Variants in DLC1 observed in about 807,000 individuals in gnomAD.
DLC1 encodes rho GTPase-activating protein 7.
Under a neutral mutation model 140.3 loss-of-function variants are expected in DLC1, and 54 were observed. The observed-to-expected ratio is 0.38, with a 90% CI of 0.31 to 0.48. The LOEUF is 0.48. Among genes scored for constraint, DLC1 ranks in the 20% least tolerant of loss-of-function variants. DLC1 has a pLI of 0.96. For synonymous variants in DLC1, 986 were observed against 728.1 expected (o/e 1.35, Z -5.70); for missense variants, 2,536 against 1,907.0 (o/e 1.33, Z -6.14).
rs1563454093 is a variant in DLC1 at position 13,579,359 on chromosome 8, AT to A, written c.-126+25177del. On this transcript the variant is annotated intron_variant, in intron 1 of 1. Coordinates refer to the DLC1 transcript ENST00000631382. ...TATATATATATATATATATATATAT[AT>A]ATTTTTATATAATACATATTTATAT... Among the ~76,000 whole-genome samples the A allele has an allele frequency of 4.5e-3, 122 of 27,168 alleles. 22 individuals are homozygous for A. Among genetic ancestry groups the A allele is most frequent in the African/African-American group, 5.3e-3 (29 of 5,438 alleles). 17.8% of individuals were successfully genotyped at this position (27,168 alleles called of 152,430 possible).
In DLC1 at chr8:13,100,469, C is replaced by G. The variant is rs763706656; in HGVS notation, c.1868G>C (p.Ser623Thr). 1 of 1,613,418 alleles carries G rather than the reference C, an allele frequency of 6.2e-7. No homozygotes were observed. Reference sequence around the variant, plus strand: ...TGCCAAGTTGCTGGAGGAGCAAACGCTGATGACGGAGTTAGTCCGGGGGGT... The same window carrying G: ...TGCCAAGTTGCTGGAGGAGCAAACGGTGATGACGGAGTTAGTCCGGGGGGT... ...AATPRTNSVI[S>T]VCSSSNLAGN... The change falls in exon 9 of 18, where the codon AGC (serine) becomes ACC (threonine). Residue 623 changes from serine to threonine, a missense_variant. Coordinates refer to ENST00000276297, the MANE Select transcript of DLC1 (RefSeq NM_182643.3).
intron 4 of DLC1, among the ~76,000 whole-genome samples, chr8:13,327,944 GTGGAAGAGCACTCCTCAGAC>G (rs1833439053): frequency 6.6e-6 from 1 of 152,228 alleles, no homozygotes; most frequent in East Asian, 1.9e-4. Flanking sequence ...CAAAGTATAG[GTGGAAGAGCACTCCTCAGAC>G]TGGGAACTAC....
chr8:13,221,320 C>T (rs145671272), intron 5 of DLC1, among the ~76,000 whole-genome samples: 165 of 151,976 alleles, frequency 1.1e-3, no homozygotes, highest in African/African-American at 3.3e-3. Context: ...TCCCTGCTCA[C>T]GGGCCTATTT....
rs140324033 is a variant in DLC1, at chr8:13,415,692, A to C, written c.1024-14073T>G. 6.0e-3 allele frequency among the ~76,000 whole-genome samples: 907 copies of C among 152,108 alleles called. 11 individuals are homozygous for C. Among genetic ancestry groups the C allele is most frequent in the African/African-American group, 0.021 (873 of 41,518 alleles). ...GGGATTACAGGCATGAGCCACTGCAACCGGCTGATTTAATTTTTATCTTAT... is the reference window on the plus strand; with the variant it reads ...GGGATTACAGGCATGAGCCACTGCACCCGGCTGATTTAATTTTTATCTTAT... On this transcript the variant is annotated intron_variant, in intron 2 of 17. Transcript: ENST00000276297.
intron 5 of DLC1, among the ~76,000 whole-genome samples, chr8:13,228,747 C>G (rs1828913611): frequency 6.6e-6 from 1 of 152,138 alleles, no homozygotes; most frequent in African/African-American, 2.4e-5. Context: ...GAGACTCTGT[C>G]TCTTTAAAAA....
chr8:13,396,765 CTTTA>C (rs888760829), intron 3 of DLC1, among the ~76,000 whole-genome samples: 3 of 152,124 alleles, frequency 2.0e-5, no homozygotes, highest in African/African-American at 7.2e-5. Context: ...TAGTACAAAT[CTTTA>C]TTATTTTCTC....
At chr8:13,404,858 T>A (rs1837453657) in intron 2 of DLC1, among the ~76,000 whole-genome samples, 1 of 151,928 alleles carries the variant, frequency 6.6e-6, no homozygotes, top group African/African-American at 2.4e-5. Context: ...TTTTAAAAAA[T>A]AGACAGGCAT....
At chr8:13,103,849 A>G (rs1294828737) in intron 7 of DLC1, among the ~76,000 whole-genome samples, 1 of 149,470 alleles carries the variant, frequency 6.7e-6, no homozygotes, top group Non-Finnish European at 1.5e-5. Flanking sequence ...CAAAAAAAAA[A>G]AAAAAAAAAA....
chr8:13,496,324 C>A (rs1474876376), intron 2 of DLC1, among the ~76,000 whole-genome samples: 1 of 152,044 alleles, frequency 6.6e-6, no homozygotes, highest in African/African-American at 2.4e-5. Context: ...TTGTGCCATG[C>A]AGAAAATGCC....
At chr8:13,579,141 C>T (rs754558558) in intron 1 of DLC1, among the ~76,000 whole-genome samples, 1 of 148,032 alleles carries the variant, frequency 6.8e-6, no homozygotes. Context: ...GTGTTAGGAG[C>T]TTTGTGCCAG....
Position 13,095,100 on chromosome 8 carries a change from G to A in DLC1, c.3313C>T (p.His1105Tyr), listed in dbSNP as rs374997689. 23 of 1,614,130 alleles carry A rather than the reference G, an allele frequency of 1.4e-5. No individual in the cohort carries two copies. In the African/African-American group the frequency reaches 2.7e-4, roughly 19 times the overall value. Residue 1105 changes from histidine to tyrosine, a missense_variant, in exon 11 of 18, where the codon CAT becomes TAT. Physicochemically the swap from His to Tyr is moderately conservative, Grantham distance 83 (BLOSUM62 2). Coordinates refer to ENST00000276297, the MANE Select transcript of DLC1 (RefSeq NM_182643.3). ...AGCGCTCTCACCTGATCCAAACAAT[G>A]GTTCCGGAGGTATCGCATGGCCTGC... is the stretch of plus-strand genomic sequence containing the variant. Reference protein sequence around the residue: ...IQQAMRYLRNHCLDQVGLFRK... With the variant: ...IQQAMRYLRNYCLDQVGLFRK...
At chr8:13,508,477 G>T (rs1210164373) in intron 1 of DLC1, among the ~76,000 whole-genome samples, 1 of 151,590 alleles carries the variant, frequency 6.6e-6, no homozygotes, top group Non-Finnish European at 1.5e-5. Context: ...GAGTGCAGTG[G>T]CGCGATCTGG....
chr8:13,580,960 C>A (rs1805073018), intron 1 of DLC1, among the ~76,000 whole-genome samples: 1 of 152,178 alleles, frequency 6.6e-6, no homozygotes, highest in South Asian at 2.1e-4. Context: ...AGCTTCCCAC[C>A]AGTACTGAAC....
chr8:13,450,523 T>C (rs1175417063), intron 2 of DLC1, among the ~76,000 whole-genome samples: 1 of 150,620 alleles, frequency 6.6e-6, no homozygotes, highest in Non-Finnish European at 1.5e-5. Flanking sequence ...TTAGGGGTAG[T>C]CAAACTTAGA....
At chr8:13,417,673 G>A (rs1300551348) in intron 2 of DLC1, among the ~76,000 whole-genome samples, 1 of 152,082 alleles carries the variant, frequency 6.6e-6, no homozygotes, top group East Asian at 1.9e-4. Context: ...ATAAACATAC[G>A]TCTGCATGTG....
chr8:13,460,952 C>T lies in DLC1; in HGVS notation c.1023+38097G>A, dbSNP rs187547531. ...GTAGGGCTGGGTGCCAAGGCTCATCCCTGTAATCCCAGCGTTTTGGGAGGC... is the reference window on the plus strand; with the variant it reads ...GTAGGGCTGGGTGCCAAGGCTCATCTCTGTAATCCCAGCGTTTTGGGAGGC... On this transcript the variant is annotated intron_variant, in intron 2 of 17. Coordinates refer to ENST00000276297, the MANE Select transcript of DLC1 (RefSeq NM_182643.3). Among the ~76,000 whole-genome samples, 746 of 152,306 alleles carry T rather than the reference C, an allele frequency of 4.9e-3. 6 individuals are homozygous for T. Among genetic ancestry groups the T allele is most frequent in the South Asian group, 0.011 (52 of 4,822 alleles).
At position 13,499,357 on chromosome 8, in the gene DLC1, C is replaced by A. The variant is rs1282191285; in HGVS notation, c.715G>T (p.Asp239Tyr). The A allele has an allele frequency of 6.2e-7, 1 of 1,613,956 alleles. No homozygotes were observed. Among genetic ancestry groups the A allele is most frequent in the Admixed American group, 1.7e-5 (1 of 59,982 alleles). ...CTTTCATTTTCATCTTTAGGGGGGT[C>A]AGGTTTCCTTCGTTGCTGAGCAATT... Reference protein sequence around the residue: ...AVIAQQRRKPDPPKDENERST... With the variant: ...AVIAQQRRKPYPPKDENERST... The change falls in exon 2 of 18, where the codon GAC (aspartate) becomes TAC (tyrosine). Residue 239 changes from aspartate to tyrosine, a missense_variant. By Grantham distance (160) the Asp-to-Tyr change is radical (BLOSUM62 -3). Transcript: ENST00000276297.
intron 1 of DLC1, among the ~76,000 whole-genome samples, chr8:13,559,826 C>T (rs957808598): frequency 2.0e-5 from 3 of 152,130 alleles, no homozygotes; most frequent in Non-Finnish European, 2.9e-5. Flanking sequence ...TGAAAGGAAA[C>T]ACATTATATT....
intron 1 of DLC1, among the ~76,000 whole-genome samples, chr8:13,578,421 C>T (rs573237958): frequency 6.6e-6 from 1 of 152,274 alleles, no homozygotes; most frequent in South Asian, 2.1e-4. Flanking sequence ...AGCAATTCTG[C>T]AGTGGATACA....
Sources: allele counts gnomAD v4.1 joint callset (sites outside exome capture counted in the v4.1 genomes callset), GRCh38; gene constraint gnomAD v4.1.1; transcripts MANE v1.5; gene names NCBI Gene and HGNC (gene_info 2026-07-23, HGNC 2026-07-21).